Variants in DNHD1 observed in about 807,000 individuals in gnomAD.
DNHD1 encodes the protein dynein heavy chain domain 1.
In DNHD1, 383 loss-of-function variants were observed where a neutral mutation model predicts 458.1. The ratio of observed to expected loss-of-function variants is 0.84; its 90% CI spans 0.77 to 0.91. DNHD1 has a LOEUF of 0.91. Among genes scored for constraint, DNHD1 ranks in the 40% least tolerant of loss-of-function variants. The pLI is 0.00. For missense variants in DNHD1, 5,336 were observed against 5,866.1 expected, an observed-to-expected ratio of 0.91 and a Z score of 2.95; for synonymous variants, 2,203 against 2,376.9, an observed-to-expected ratio of 0.93 and a Z score of 2.13.
At chr11:6,543,958 C>CAAAAAAAAA (rs34739231) in intron 18 of DNHD1, among the ~76,000 whole-genome samples, 163 bp from the exon 19 acceptor site, 2 of 74,000 alleles carry the variant, frequency 2.7e-5, no homozygotes, top group Non-Finnish European at 4.7e-5. Context: ...GACTCTGTCT[C>CAAAAAAAAA]AAAAAAAAAA....
Position 6,508,952 on chromosome 11 carries a change from C to T in DNHD1, c.993C>T (p.Ile331=), listed in dbSNP as rs1463236469. ...ACTACATCTTCTCTCCCTTTGGGAT[C>T]TTGCATGTACATCCTGTGGAAGGTA... ...PEHYIFSPFG[I]LHVHPVEGSE... is the part of the protein sequence containing the mutation. The change falls in exon 5 of 43, where the codon ATC becomes ATT. Residue 331 remains isoleucine (I), a synonymous_variant. Transcript: ENST00000254579. The T allele has an allele frequency of 1.9e-6, 3 of 1,614,206 alleles. No homozygotes were observed. Among genetic ancestry groups the T allele is most frequent in the South Asian group, 1.1e-5 (1 of 91,088 alleles).
At position 6,564,639 on chromosome 11, in the gene DNHD1, G is replaced by A; in HGVS notation, c.10591G>A (p.Ala3531Thr). Residue 3531 changes from alanine (A) to threonine (T), a missense_variant, in exon 32 of 43, where the codon GCA (alanine) becomes ACA (threonine). This residue lies in a region of DNHD1 where 3,932 missense variants were observed against 4,365.6 expected (regional missense o/e 0.90). Transcript: ENST00000254579. ...GTGGGATGGAAACCTGAAGCCACAG[G>A]CAAAGTCGGCCCACCTGGCAGGCTT... ...YQWDGNLKPQ[A>T]KSAHLAGLLL... 2 of 1,551,726 alleles carry A rather than the reference G, an allele frequency of 1.3e-6. No homozygotes were observed. Among genetic ancestry groups the A allele is most frequent in the Non-Finnish European group, 1.7e-6 (2 of 1,146,994 alleles).
chr11:6,546,056 G>A lies in DNHD1; in HGVS notation c.5117G>A (p.Arg1706His), dbSNP rs762632566. Reference sequence around the variant, plus strand: ...AACAGCCTGGCACAGGCCCTGGGCCGCCAGCTGGTGATGCTACCCTGCTCA... The same window carrying A: ...AACAGCCTGGCACAGGCCCTGGGCCACCAGCTGGTGATGCTACCCTGCTCA... Reference protein sequence around the residue: ...IVNSLAQALGRQLVMLPCSPQ... With the variant: ...IVNSLAQALGHQLVMLPCSPQ... Residue 1706 changes from arginine (R) to histidine (H), a missense_variant, in exon 21 of 43, where the codon CGC (arginine) becomes CAC (histidine). Physicochemically the swap from Arg to His is conservative, Grantham distance 29. Coordinates refer to ENST00000254579, the MANE Select transcript of DNHD1 (RefSeq NM_144666.3). The A allele has an allele frequency of 1.3e-5, 20 of 1,551,120 alleles. No homozygotes were observed. The highest frequency in any genetic ancestry group is 2.4e-5 in the East Asian group (1 of 40,882).
Position 6,545,479 on chromosome 11 carries a change from G to A in DNHD1, c.4540G>A (p.Ala1514Thr). The A allele has an allele frequency of 6.4e-7, 1 of 1,551,848 alleles. No homozygotes were observed. Among genetic ancestry groups the A allele is most frequent in the Non-Finnish European group, 8.7e-7 (1 of 1,147,022 alleles). Residue 1514 changes from alanine (A) to threonine (T), a missense_variant, in exon 21 of 43, where the codon GCA becomes ACA. Ala to Thr is a moderately conservative substitution (Grantham distance 58). This residue lies in a region of DNHD1 where 3,932 missense variants were observed against 4,365.6 expected (regional missense o/e 0.90). Coordinates refer to ENST00000254579, the MANE Select transcript of DNHD1 (RefSeq NM_144666.3). This position sits in a 1 kb window ranked among gnomAD's most constrained non-coding sequence, Gnocchi z 4.9. Reference sequence around the variant, plus strand: ...CTTCCCATGGCAGTGTGTGCTGGTGGCAGAGGAGGTGGTATGGCGGGCCGA... The same window carrying A: ...CTTCCCATGGCAGTGTGTGCTGGTGACAGAGGAGGTGGTATGGCGGGCCGA... ...QAFPWQCVLV[A>T]EEVVWRAEME...
At chr11:6,565,452 G>A (rs1003111) in intron 32 of DNHD1, among the ~76,000 whole-genome samples, 55,153 of 152,034 alleles carry the variant, frequency 0.36, 10,389 homozygotes, top group Non-Finnish European at 0.43. Flanking sequence ...TGCTCACTAC[G>A]TGCACATCTA....
chr11:6,549,564 C>T (rs1347685542), intron 24 of DNHD1, among the ~76,000 whole-genome samples: 5 of 152,194 alleles, frequency 3.3e-5, no homozygotes, highest in Non-Finnish European at 1.5e-5. Flanking sequence ...GTCCTCTCTG[C>T]CTTCTCTATG....
At chr11:6,499,297 C>T (rs1283340042) in intron 3 of DNHD1, among the ~76,000 whole-genome samples, 1 of 152,098 alleles carries the variant, frequency 6.6e-6, no homozygotes, top group East Asian at 1.9e-4. Context: ...AATTATTTTT[C>T]TATAATTCAT....
Position 6,558,683 on chromosome 11 carries a change from C to A in DNHD1, c.9201C>A (p.Pro3067=). Residue 3067 remains proline (P), a synonymous_variant, in exon 26 of 43, where the codon CCC becomes CCA. Coordinates refer to ENST00000254579, the MANE Select transcript of DNHD1 (RefSeq NM_144666.3). ...ACCTGGAGGGTGCTCAGAGTGTGCC[C>A]CTTGATGACGGTAAGCCCTTTTTAC... ...QHHLEGAQSV[P]LDDGSWKYPD... 1 of 1,549,952 alleles carries A rather than the reference C, an allele frequency of 6.5e-7. No individual in the cohort carries two copies. Among genetic ancestry groups the A allele is most frequent in the Non-Finnish European group, 8.7e-7 (1 of 1,146,962 alleles).
chr11:6,523,999 A>C (rs922262864), intron 10 of DNHD1, among the ~76,000 whole-genome samples: 1 of 152,070 alleles, frequency 6.6e-6, no homozygotes, highest in African/African-American at 2.4e-5. Context: ...TTTAAAAAAA[A>C]TTTTCTCATT....
Position 6,509,691 on chromosome 11 carries a change from A to G in DNHD1, c.1235+419A>G, listed in dbSNP as rs1852298980. 2.0e-5 allele frequency among the ~76,000 whole-genome samples: 3 copies of G among 152,136 alleles called. No individual in the cohort carries two copies. The South Asian group carries it at 6.2e-4, about 31-fold the overall frequency. ...CCAAACTCTGTGTTCTTTCCAAGATATTACTTGGATTCTATTTTTCTTTTT... is the reference window on the plus strand; with the variant it reads ...CCAAACTCTGTGTTCTTTCCAAGATGTTACTTGGATTCTATTTTTCTTTTT... On this transcript the variant is annotated intron_variant, in intron 6 of 42. Coordinates refer to ENST00000254579, the MANE Select transcript of DNHD1 (RefSeq NM_144666.3).
At chr11:6,561,645 C>T (rs1853591455) in intron 28 of DNHD1, among the ~76,000 whole-genome samples, 1 of 152,176 alleles carries the variant, frequency 6.6e-6, no homozygotes, top group African/African-American at 2.4e-5. Flanking sequence ...CGCTGTGCAG[C>T]ACAGAGCGTG....
At chr11:6,522,763 C>A (rs112234629) in intron 10 of DNHD1, among the ~76,000 whole-genome samples, 4 of 152,186 alleles carry the variant, frequency 2.6e-5, no homozygotes, top group African/African-American at 9.6e-5. Context: ...AACTAAATTA[C>A]AAAATAATTT....
chr11:6,512,235 T>A (rs113135651), intron 7 of DNHD1, among the ~76,000 whole-genome samples: 2 of 131,994 alleles, frequency 1.5e-5, no homozygotes, highest in Non-Finnish European at 3.2e-5. Context: ...TTTTTTTTTT[T>A]TTTGAGACGG....
intron 16 of DNHD1, 113 bp downstream of exon 16, chr11:6,538,923 C>T: frequency 8.7e-7 from 1 of 1,146,356 alleles, no homozygotes; most frequent in Non-Finnish European, 1.2e-6. Flanking sequence ...CCCCAAGTTT[C>T]TCCCTACCTT....
chr11:6,550,281 AT>A lies in DNHD1; in HGVS notation c.7387+1351del, dbSNP rs553943030. Among the ~76,000 whole-genome samples, 282 of 152,336 alleles carry A rather than the reference AT, an allele frequency of 1.9e-3. 3 individuals carry two copies. Among genetic ancestry groups the A allele is most frequent in the African/African-American group, 6.6e-3 (274 of 41,572 alleles). On this transcript the variant is annotated intron_variant, in intron 24 of 42. Coordinates refer to ENST00000254579, the MANE Select transcript of DNHD1 (RefSeq NM_144666.3). Reference sequence around the variant, plus strand: ...AGAACCAAGATTAAAATTCAAGTCTATTTGGTTCCAAAACCTGTAGTTCCTT... The same window carrying A: ...AGAACCAAGATTAAAATTCAAGTCTATTGGTTCCAAAACCTGTAGTTCCTT...
chr11:6,552,329 G>T (rs1471507816), intron 24 of DNHD1, among the ~76,000 whole-genome samples: 3 of 151,916 alleles, frequency 2.0e-5, no homozygotes, highest in Non-Finnish European at 4.4e-5. Context: ...TTTGAGACCA[G>T]CCTGGCCAAC....
In DNHD1 at chr11:6,557,510, G is replaced by A. The variant is rs561748272; in HGVS notation, c.8215G>A (p.Ala2739Thr). The change falls in exon 25 of 43, where the codon GCC (alanine) becomes ACC (threonine). Residue 2739 changes from alanine (A) to threonine (T), a missense_variant. Around this residue, in one of 4 missense-constraint regions of DNHD1, gnomAD observed 3,932 missense variants for 4,365.6 expected, o/e 0.90. Transcript: ENST00000254579. The stretch of plus-strand genomic sequence containing the variant: ...AGAGGAACCTTATGGCCTTCAGGTC[G>A]CCAGAGTCTCAAACTCCAGAGATCC... The part of the protein sequence containing the change: ...EEEEPYGLQV[A>T]RVSNSRDPSL... 2.3e-5 allele frequency: 35 copies of A among 1,551,714 alleles called. No homozygotes were observed. The highest frequency in any genetic ancestry group is 6.8e-5 in the African/African-American group (5 of 73,152).
intron 12 of DNHD1, among the ~76,000 whole-genome samples, chr11:6,531,476 CCATCTGCCTT>C (rs778885588): frequency 7.2e-5 from 11 of 152,150 alleles, no homozygotes; most frequent in Admixed American, 1.3e-4. Flanking sequence ...TGTTGAGCTC[CCATCTGCCTT>C]CATCTGCCTG....
Position 6,528,766 on chromosome 11 carries a change from TATA to T in DNHD1, c.2083_2085del (p.Ile695del), listed in dbSNP as rs1240102122. On this transcript the variant is annotated inframe_deletion, in exon 11 of 43. Transcript: ENST00000254579. Reference sequence around the variant, plus strand: ...ACCCTAAGATCCAGCAGGCACTGAATATACAACAGGTGCTGCTGGAGGTGAGAA... The same window carrying T: ...ACCCTAAGATCCAGCAGGCACTGAATCAACAGGTGCTGCTGGAGGTGAGAA... The T allele has an allele frequency of 5.2e-6, 8 of 1,551,472 alleles. No homozygotes were observed. In the South Asian group the frequency reaches 9.5e-5, roughly 18 times the overall value.
Sources: allele counts gnomAD v4.1 joint callset (sites outside exome capture counted in the v4.1 genomes callset), GRCh38; gene constraint gnomAD v4.1.1; regional missense constraint gnomAD v4.1.1; non-coding constraint Gnocchi (gnomAD v3.1); transcripts MANE v1.5; gene names NCBI Gene and HGNC (gene_info 2026-07-23, HGNC 2026-07-21).